The following SLC36A1 variants were observed in gnomAD, a reference collection of about 807,000 sequenced individuals.
SLC36A1 encodes the protein solute carrier family 36 member 1.
Under a neutral mutation model 47.5 loss-of-function variants are expected in SLC36A1, and 30 were observed. The observed-to-expected ratio is 0.63, with a 90% CI of 0.47 to 0.86. The LOEUF (loss-of-function observed/expected upper bound fraction) is 0.86, where lower values mean the gene tolerates loss of function less well. Ranked by LOEUF, SLC36A1 falls within the 40% of genes least tolerant of loss-of-function variation. SLC36A1 has a pLI of 0.00. For synonymous variants in SLC36A1, 255 were observed against 249.7 expected, an observed-to-expected ratio of 1.02 and a Z score of -0.20; for missense variants, 517 against 606.0, an observed-to-expected ratio of 0.85 and a Z score of 1.54.
the SLC36A1 span, among the ~76,000 whole-genome samples, chr5:151,365,908 TC>T: frequency 6.6e-6 from 1 of 152,188 alleles, no homozygotes; most frequent in Non-Finnish European, 1.5e-5. Flanking sequence ...GTACCAGGTC[TC>T]CTGGATCACA....
At chr5:151,353,219 C>T in the SLC36A1 span, among the ~76,000 whole-genome samples, 10,311 of 152,124 alleles carry the variant, frequency 0.068, 1,124 homozygotes, top group African/African-American at 0.23. Flanking sequence ...ATCATAGACT[C>T]ATAGTACTTA....
chr5:151,394,223 G>A, the SLC36A1 span, among the ~76,000 whole-genome samples: 18 of 152,266 alleles, frequency 1.2e-4, no homozygotes, highest in East Asian at 5.8e-4. Context: ...CATTCATCAC[G>A]TAGTTCTCAT....
chr5:151,503,620 T>G, the SLC36A1 span, among the ~76,000 whole-genome samples: 1 of 151,978 alleles, frequency 6.6e-6, no homozygotes, highest in South Asian at 2.1e-4. Context: ...AGCTGGCGAC[T>G]AAGGGTGCGC....
chr5:151,358,093 C>CT, the SLC36A1 span, among the ~76,000 whole-genome samples: 1 of 152,126 alleles, frequency 6.6e-6, no homozygotes, highest in African/African-American at 2.4e-5. Context: ...AGTTGGCTGC[C>CT]TGTGATTGAC....
the SLC36A1 span, among the ~76,000 whole-genome samples, chr5:151,363,616 C>T: frequency 5.2e-3 from 787 of 152,204 alleles, 9 homozygotes; most frequent in African/African-American, 0.018. Context: ...GTAGTCCTTA[C>T]GCTGGATTTA....
chr5:151,529,543 T>G, the SLC36A1 span: 1 of 630,964 alleles, frequency 1.6e-6, no homozygotes, highest in South Asian at 1.9e-5. Flanking sequence ...CTCCCTTTGC[T>G]ATCCCCTTGA....
intron 1 of SLC36A1, among the ~76,000 whole-genome samples, chr5:151,452,869 C>CAAAAAAAAAAAAAA (rs543863050): frequency 1.5e-4 from 16 of 107,162 alleles, no homozygotes; most frequent in African/African-American, 4.6e-4. Context: ...GACACCATCT[C>CAAAAAAAAAAAAAA]AAAAAAAAAA....
chr5:151,517,846 C>A, the SLC36A1 span: 1 of 1,525,042 alleles, frequency 6.6e-7, no homozygotes, highest in Non-Finnish European at 9.0e-7. Context: ...TTATTTAATC[C>A]TTGGGTGGCA....
At chr5:151,351,443 G>A in the SLC36A1 span, among the ~76,000 whole-genome samples, 1 of 152,002 alleles carries the variant, frequency 6.6e-6, no homozygotes, top group African/African-American at 2.4e-5. Context: ...ATTCATGTGT[G>A]TAGGTATAGG....
At chr5:151,514,942 A>G in the SLC36A1 span, among the ~76,000 whole-genome samples, 4 of 152,078 alleles carry the variant, frequency 2.6e-5, no homozygotes, top group Non-Finnish European at 2.9e-5. Context: ...TCTAATCTTT[A>G]TTTTCAAAAA....
At position 151,439,668 on chromosome 5, in the gene SLC36A1, G is replaced by GA. The variant is rs202220864; in HGVS notation, c.-6+2501dup. Among the ~76,000 whole-genome samples the GA allele has an allele frequency of 2.5e-3, 339 of 133,370 alleles. 1 individual carries two copies. The highest frequency in any genetic ancestry group is 7.3e-3 in the African/African-American group (269 of 36,600). 87.5% of individuals were successfully genotyped at this position (133,370 alleles called of 152,430 possible). On this transcript the variant is annotated intron_variant, in intron 1 of 8. Coordinates refer to the SLC36A1 transcript ENST00000429484. ...ACTCCATCTCAAAAAAAAAAGAAAA[G>GA]AAAAAAAAAAAAGAAAAAGAAATGT...
the SLC36A1 span, among the ~76,000 whole-genome samples, chr5:151,524,539 C>G: frequency 5.3e-5 from 8 of 152,218 alleles, no homozygotes; most frequent in African/African-American, 1.9e-4. Context: ...GCCTCCAGAA[C>G]TGTGGGAAAT....
chr5:151,473,103 A>G (rs1220208502), intron 7 of SLC36A1, among the ~76,000 whole-genome samples: 1 of 152,102 alleles, frequency 6.6e-6, no homozygotes, highest in East Asian at 1.9e-4. Flanking sequence ...CCCAGGAGGC[A>G]GAGGGAGGTT....
the SLC36A1 span, among the ~76,000 whole-genome samples, chr5:151,421,783 G>C: frequency 6.6e-6 from 1 of 151,324 alleles, no homozygotes; most frequent in Non-Finnish European, 1.5e-5. Flanking sequence ...GTAGAGACAG[G>C]GTTTCACCAT....
the SLC36A1 span, among the ~76,000 whole-genome samples, chr5:151,503,277 C>G: frequency 6.8e-6 from 1 of 148,006 alleles, no homozygotes; most frequent in Admixed American, 6.6e-5. Context: ...ACAACTATAC[C>G]ATTCTGGTGG....
chr5:151,474,099 G>A (rs984667912), intron 8 of SLC36A1, among the ~76,000 whole-genome samples: 1 of 141,976 alleles, frequency 7.0e-6, no homozygotes, highest in East Asian at 2.3e-4. Flanking sequence ...GACGGAGGTT[G>A]CAGTGAGCCA....
chr5:151,531,997 C>T, the SLC36A1 span: 9 of 1,610,548 alleles, frequency 5.6e-6, no homozygotes, highest in African/African-American at 2.7e-5. The surrounding 1 kb of genome is among the most constrained non-coding windows in gnomAD (Gnocchi z 5.7). Flanking sequence ...GGGTGTGATC[C>T]ACACTGAGGG....
At chr5:151,444,480 A>C (rs1374208520), upstream of SLC36A1, among the ~76,000 whole-genome samples, 2 of 152,070 alleles carry the variant, frequency 1.3e-5, no homozygotes, top group Non-Finnish European at 2.9e-5. Context: ...TTGTGTATAA[A>C]AATATTATTG....
the SLC36A1 span, among the ~76,000 whole-genome samples, chr5:151,379,817 AT>A: frequency 6.6e-6 from 1 of 152,238 alleles, no homozygotes; most frequent in Non-Finnish European, 1.5e-5. Flanking sequence ...TTTTATACTT[AT>A]GGCACGTCTC....
Sources: gnomAD v4.1 joint callset for allele counts (sites outside exome capture counted in the v4.1 genomes callset) on GRCh38, gnomAD v4.1.1 for gene constraint, Gnocchi (gnomAD v3.1) non-coding constraint, MANE v1.5 for transcripts, NCBI Gene and HGNC (gene_info 2026-07-23, HGNC 2026-07-21) for gene names.